The following GRB14 variants were observed in gnomAD, a reference collection of about 807,000 sequenced individuals.
The protein encoded by GRB14 is growth factor receptor-bound protein 14.
In GRB14, 38 loss-of-function variants were observed where a neutral mutation model predicts 69.1. The observed-to-expected ratio is 0.55, with a 90% CI of 0.42 to 0.72. The LOEUF (loss-of-function observed/expected upper bound fraction) is 0.72, where lower values mean the gene tolerates loss of function less well. Ranked by LOEUF, GRB14 falls within the 30% of genes least tolerant of loss-of-function variation. The pLI, the probability that GRB14 is intolerant of heterozygous loss-of-function variation, is 0.00. For synonymous variants in GRB14, 247 were observed against 241.3 expected, an observed-to-expected ratio of 1.02 and a Z score of -0.22; for missense variants, 666 against 666.1, an observed-to-expected ratio of 1.00 and a Z score of 0.00.
intron 3 of GRB14, among the ~76,000 whole-genome samples, chr2:164,539,473 C>CG (rs1216621100): frequency 5.3e-5 from 3 of 56,646 alleles, no homozygotes; most frequent in African/African-American, 1.6e-4. Flanking sequence ...GACTCCATCT[C>CG]GGAAAAAAAA....
chr2:164,492,940 T>G lies in GRB14; in HGVS notation c.*96A>C. On this transcript the variant is annotated 3_prime_UTR_variant, in exon 14 of 14. Coordinates refer to ENST00000263915, the MANE Select transcript of GRB14 (RefSeq NM_004490.3). ...GTAACTTGCAGGTGAAATACATTCT[T>G]TTCACATGGTAATGTTTTCGCCCTT... The G allele has an allele frequency of 8.6e-7, 1 of 1,162,194 alleles. No individual in the cohort carries two copies. The highest frequency in any genetic ancestry group is 1.2e-6 in the Non-Finnish European group (1 of 837,004). The allele number at this position is 1,162,194 out of a possible 1,614,324, so 72.0% of individuals were successfully genotyped here. A position where few individuals can be genotyped will look rare whatever the true frequency, so the allele number is the denominator to read the frequency against.
chr2:164,500,826 T>C (rs923943746), intron 9 of GRB14, among the ~76,000 whole-genome samples: 69 of 152,072 alleles, frequency 4.5e-4, no homozygotes, highest in African/African-American at 1.6e-3. Context: ...TCTAGATCAA[T>C]AGCAGCATCA....
At chr2:164,556,520 C>T (rs751014739) in intron 2 of GRB14, among the ~76,000 whole-genome samples, 5 of 152,190 alleles carry the variant, frequency 3.3e-5, no homozygotes, top group South Asian at 2.1e-4. Context: ...TTATTCCCTA[C>T]AATCCTGTCC....
chr2:164,600,107 T>C (rs1689878362), intron 2 of GRB14, among the ~76,000 whole-genome samples: 1 of 152,156 alleles, frequency 6.6e-6, no homozygotes, highest in Non-Finnish European at 1.5e-5. Context: ...AGGTTCCTTG[T>C]GTCATTTAAA....
At chr2:164,587,195 C>CA (rs980327500) in intron 2 of GRB14, among the ~76,000 whole-genome samples, 2 of 151,896 alleles carry the variant, frequency 1.3e-5, no homozygotes, top group South Asian at 2.1e-4. Context: ...ATCAGACTGG[C>CA]AAAAAAACTT....
chr2:164,550,470 A>C (rs1256900819), intron 2 of GRB14, among the ~76,000 whole-genome samples: 1 of 152,222 alleles, frequency 6.6e-6, no homozygotes, highest in Admixed American at 6.5e-5. Context: ...ATTCTGTCCT[A>C]TCTTTTAAAA....
At chr2:164,511,508 A>C (rs575511114) in intron 6 of GRB14, among the ~76,000 whole-genome samples, 97 of 152,288 alleles carry the variant, frequency 6.4e-4, no homozygotes, top group African/African-American at 2.3e-3. Flanking sequence ...ACCCTGAGCC[A>C]GAAGGGAACC....
intron 6 of GRB14, among the ~76,000 whole-genome samples, chr2:164,516,837 A>G (rs935532269): frequency 6.6e-6 from 1 of 152,184 alleles, no homozygotes; most frequent in Admixed American, 6.5e-5. Context: ...CAGCCTGGCT[A>G]ACATGGTGAA....
intron 3 of GRB14, among the ~76,000 whole-genome samples, chr2:164,528,588 A>G (rs1351734604): frequency 6.6e-6 from 1 of 152,090 alleles, no homozygotes; most frequent in East Asian, 1.9e-4. Flanking sequence ...TGAGCTAAGT[A>G]TATATCAACA....
chr2:164,616,403 G>A (rs1033107289), intron 2 of GRB14, among the ~76,000 whole-genome samples: 3 of 145,446 alleles, frequency 2.1e-5, no homozygotes, highest in Non-Finnish European at 4.5e-5. Context: ...TCCAGCCTGG[G>A]CGACAGAGCG....
intron 2 of GRB14, among the ~76,000 whole-genome samples, chr2:164,580,736 T>G (rs1689383116): frequency 6.6e-6 from 1 of 151,914 alleles, no homozygotes; most frequent in South Asian, 2.1e-4. Flanking sequence ...GCATTCTATT[T>G]AGAAAGTATG....
chr2:164,554,390 T>C (rs932316520), intron 2 of GRB14, among the ~76,000 whole-genome samples: 3 of 152,142 alleles, frequency 2.0e-5, no homozygotes, highest in Admixed American at 6.5e-5. Context: ...TCTTTTGAAA[T>C]TGGATGCCAA....
chr2:164,575,456 T>C (rs1689229372), intron 2 of GRB14, among the ~76,000 whole-genome samples: 1 of 152,094 alleles, frequency 6.6e-6, no homozygotes, highest in Non-Finnish European at 1.5e-5. Context: ...GTAAGTAATA[T>C]GAGCCATAAC....
chr2:164,524,443 A>T (rs1309461712), intron 5 of GRB14, among the ~76,000 whole-genome samples: 1 of 152,120 alleles, frequency 6.6e-6, no homozygotes, highest in Non-Finnish European at 1.5e-5. Flanking sequence ...AGACACAAAA[A>T]TAAGGAGATT....
intron 2 of GRB14, among the ~76,000 whole-genome samples, chr2:164,560,877 T>C (rs1688809480): frequency 6.6e-6 from 1 of 152,312 alleles, no homozygotes; most frequent in Non-Finnish European, 1.5e-5. Flanking sequence ...TTGAGAATTA[T>C]CATAATAGCA....
At chr2:164,617,374 T>G (rs1441156387) in intron 2 of GRB14, among the ~76,000 whole-genome samples, 5 of 152,166 alleles carry the variant, frequency 3.3e-5, no homozygotes, top group Non-Finnish European at 5.9e-5. Flanking sequence ...GCAGGAAACC[T>G]ATTGGGGTCA....
At chr2:164,493,352 T>C (rs9287850) in intron 13 of GRB14, among the ~76,000 whole-genome samples, 170 bp from the exon 14 acceptor site, 10,497 of 152,182 alleles carry the variant, frequency 0.069, 1,182 homozygotes, top group African/African-American at 0.23. Context: ...ATCACTTGCA[T>C]TTAAAAGAAA....
intron 3 of GRB14, among the ~76,000 whole-genome samples, chr2:164,545,312 A>T (rs1688346879): frequency 6.6e-6 from 1 of 152,184 alleles, no homozygotes; most frequent in Non-Finnish European, 1.5e-5. Flanking sequence ...TGTGAATGTC[A>T]CGTGGAAAAA....
At chr2:164,500,115 G>A (rs773074090) in intron 9 of GRB14, among the ~76,000 whole-genome samples, 53 of 152,074 alleles carry the variant, frequency 3.5e-4, no homozygotes, top group Non-Finnish European at 5.7e-4. Flanking sequence ...AAAAGAGCTT[G>A]AGTAGACTCG....
Sources: allele counts gnomAD v4.1 joint callset (sites outside exome capture counted in the v4.1 genomes callset), GRCh38; gene constraint gnomAD v4.1.1; transcripts MANE v1.5; gene names NCBI Gene and HGNC (gene_info 2026-07-23, HGNC 2026-07-21).